The following GTF2IRD1 variants were observed in gnomAD, a reference collection of about 807,000 sequenced individuals.
The protein encoded by GTF2IRD1 is general transcription factor II-I repeat domain-containing protein 1.
In GTF2IRD1, 26 loss-of-function variants were observed where a neutral mutation model predicts 113.2. The observed-to-expected ratio is 0.23, with a 90% CI of 0.17 to 0.32. GTF2IRD1 has a LOEUF of 0.32. Among genes scored for constraint, GTF2IRD1 ranks in the 10% least tolerant of loss-of-function variants. GTF2IRD1 has a pLI of 1.00. For synonymous variants in GTF2IRD1, 484 were observed against 529.1 expected, an observed-to-expected ratio of 0.91 and a Z score of 1.17; for missense variants, 864 against 1,280.8, an observed-to-expected ratio of 0.67 and a Z score of 4.97.
chr7:74,534,060 T>C (rs1798135524), intron 9 of GTF2IRD1, among the ~76,000 whole-genome samples: 1 of 151,198 alleles, frequency 6.6e-6, no homozygotes, highest in Admixed American at 6.6e-5. Flanking sequence ...ACGGTTCACC[T>C]TGTGCTGCCA....
chr7:74,513,039 CTG>C (rs1796725344), intron 3 of GTF2IRD1, 68 bp downstream of exon 3: 1 of 1,492,854 alleles, frequency 6.7e-7, no homozygotes, highest in South Asian at 1.2e-5. Flanking sequence ...TAGCCCATCT[CTG>C]GGTCCCCAAC....
At chr7:74,504,242 G>T (rs1444580339) in intron 1 of GTF2IRD1, among the ~76,000 whole-genome samples, 1 of 23,138 alleles carries the variant, frequency 4.3e-5, no homozygotes, top group Non-Finnish European at 7.5e-5. Flanking sequence ...CCTTATTAAG[G>T]GAAGTTGACT....
At chr7:74,454,345 G>A (rs1445268524) in intron 1 of GTF2IRD1, among the ~76,000 whole-genome samples, 169 bp downstream of exon 1, 2 of 134,764 alleles carry the variant, frequency 1.5e-5, no homozygotes, top group African/African-American at 2.9e-5. Flanking sequence ...GCACGTGACT[G>A]GGATTATAAT....
chr7:74,490,857 G>A (rs1331983008), intron 1 of GTF2IRD1, among the ~76,000 whole-genome samples: 2 of 152,106 alleles, frequency 1.3e-5, no homozygotes, highest in Non-Finnish European at 2.9e-5. Context: ...GCAAACCCAG[G>A]CCTGAGCTTT....
At chr7:74,584,845 A>G (rs1311250604) in intron 22 of GTF2IRD1, among the ~76,000 whole-genome samples, 1 of 152,076 alleles carries the variant, frequency 6.6e-6, no homozygotes, top group African/African-American at 2.4e-5. Flanking sequence ...CTTGTCCCCC[A>G]GGCTGGAGTA....
intron 1 of GTF2IRD1, among the ~76,000 whole-genome samples, chr7:74,457,882 T>TG (rs1403286085): frequency 2.4e-4 from 36 of 148,898 alleles, no homozygotes; most frequent in African/African-American, 8.3e-4. Context: ...TTTTTGTTTT[T>TG]TTTTTTTTTT....
chr7:74,555,349 C>G lies in GTF2IRD1; in HGVS notation c.1967-89C>G, dbSNP rs1381134887. The stretch of plus-strand genomic sequence containing the variant: ...TCCTGGCCCTGGCATTCTCCCCACA[C>G]CCCCACATTGGGTTTCCCCTAACGA... On this transcript the variant is annotated intron_variant, in intron 18 of 26. Transcript: ENST00000424337. The surrounding 1 kb of genome is among the most constrained non-coding windows in gnomAD (Gnocchi z 5.3). 1 of 1,469,254 alleles carries G rather than the reference C, an allele frequency of 6.8e-7. No individual in the cohort carries two copies. The highest frequency in any genetic ancestry group is 1.1e-5 in the South Asian group (1 of 87,952). The allele number at this position is 1,469,254 out of a possible 1,614,324, so 91.0% of individuals were successfully genotyped here.
Position 74,545,853 on chromosome 7 carries a change from C to T in GTF2IRD1, c.1732+44C>T, listed in dbSNP as rs782708651. On this transcript the variant is annotated intron_variant, in intron 16 of 26. Coordinates refer to ENST00000424337, the MANE Select transcript of GTF2IRD1 (RefSeq NM_005685.4). ...AGGGTCTGGGGGCATCCCGGCCCCC[C>T]TCCAGCCGCCCTGTTTGCAGAAGGG... 5.0e-6 allele frequency: 7 copies of T among 1,407,522 alleles called. No homozygotes were observed. The Admixed American group carries it at 8.4e-5, about 17-fold the overall frequency. 87.2% of individuals were successfully genotyped at this position (1,407,522 alleles called of 1,614,324 possible).
intron 1 of GTF2IRD1, among the ~76,000 whole-genome samples, chr7:74,464,319 C>T (rs1220185080): frequency 1.3e-5 from 2 of 152,196 alleles, no homozygotes; most frequent in Non-Finnish European, 2.9e-5. Flanking sequence ...GTCAGTTTCC[C>T]ATTGGCAAAT....
chr7:74,537,934 T>C (rs1798397062), intron 11 of GTF2IRD1, among the ~76,000 whole-genome samples: 2 of 152,338 alleles, frequency 1.3e-5, no homozygotes, highest in South Asian at 4.1e-4. Flanking sequence ...CTGGAGATTG[T>C]GGTCCCTGGA....
chr7:74,456,449 C>T (rs1584432809), intron 1 of GTF2IRD1, among the ~76,000 whole-genome samples: 2 of 152,012 alleles, frequency 1.3e-5, no homozygotes, highest in African/African-American at 2.4e-5. Context: ...TTTGGGAGGC[C>T]GAGGTGGGTG....
At chr7:74,461,030 G>A (rs1412398287) in intron 1 of GTF2IRD1, among the ~76,000 whole-genome samples, 1 of 152,212 alleles carries the variant, frequency 6.6e-6, no homozygotes, top group Non-Finnish European at 1.5e-5. Context: ...CCTTCCGCCC[G>A]CCTGGGCAGT....
At chr7:74,480,924 C>T (rs1554334515) in intron 1 of GTF2IRD1, among the ~76,000 whole-genome samples, 1 of 152,146 alleles carries the variant, frequency 6.6e-6, no homozygotes, top group Non-Finnish European at 1.5e-5. Context: ...TTCCAGAAGC[C>T]TAGATGAAGG....
rs78281713 is a variant in GTF2IRD1 at position 74,546,185 on chromosome 7, C to T, written c.1732+376C>T. On this transcript the variant is annotated intron_variant, in intron 16 of 26. Transcript: ENST00000424337. ...AGATAAGATAACCTCAGTGGTGTGC[C>T]GGGCATGAGGCTAGGTGATTCCCCA... Among the ~76,000 whole-genome samples the T allele has an allele frequency of 0.025, 3,730 of 151,080 alleles. 326 individuals carry two copies. In the East Asian group the frequency reaches 0.31, roughly 13 times the overall value.
At chr7:74,461,590 T>C (rs1793367745) in intron 1 of GTF2IRD1, among the ~76,000 whole-genome samples, 1 of 152,162 alleles carries the variant, frequency 6.6e-6, no homozygotes, top group African/African-American at 2.4e-5. Flanking sequence ...ATTTTATTTA[T>C]TTATTTAAGA....
intron 22 of GTF2IRD1, among the ~76,000 whole-genome samples, chr7:74,583,196 GTTGT>G (rs1801519053): frequency 6.6e-6 from 1 of 151,584 alleles, no homozygotes; most frequent in South Asian, 2.1e-4. Flanking sequence ...TTTTTGTTTG[GTTGT>G]TTGTTTGAAA....
intron 1 of GTF2IRD1, among the ~76,000 whole-genome samples, chr7:74,471,466 G>A (rs1198664052): frequency 1.3e-5 from 2 of 151,888 alleles, no homozygotes; most frequent in Non-Finnish European, 2.9e-5. Flanking sequence ...CTATAATTGT[G>A]CCACTGCACT....
intron 1 of GTF2IRD1, among the ~76,000 whole-genome samples, chr7:74,470,279 C>A (rs1373083651): frequency 6.6e-6 from 1 of 152,190 alleles, no homozygotes; most frequent in Non-Finnish European, 1.5e-5. Context: ...AGCCACCACA[C>A]ACGGCCAAAT....
chr7:74,578,378 G>C (rs1417190132), intron 22 of GTF2IRD1, among the ~76,000 whole-genome samples: 1 of 151,834 alleles, frequency 6.6e-6, no homozygotes, highest in African/African-American at 2.4e-5. Flanking sequence ...GGGTTTCACT[G>C]TGTTAGCCAG....
Sources: gnomAD v4.1 joint callset for allele counts (sites outside exome capture counted in the v4.1 genomes callset) on GRCh38, gnomAD v4.1.1 for gene constraint, Gnocchi (gnomAD v3.1) non-coding constraint, MANE v1.5 for transcripts, NCBI Gene and HGNC (gene_info 2026-07-23, HGNC 2026-07-21) for gene names.